LRIG1: variants seen among roughly 807,000 people sequenced by gnomAD.
LRIG1 encodes leucine rich repeats and immunoglobulin like domains 1.
In LRIG1, 48 loss-of-function variants were observed where a neutral mutation model predicts 99.2. That is an observed-to-expected ratio of 0.48 (90% confidence interval 0.38 to 0.62). The LOEUF (loss-of-function observed/expected upper bound fraction) is 0.62, where lower values mean the gene tolerates loss of function less well. Among genes scored for constraint, LRIG1 ranks in the 20% least tolerant of loss-of-function variants. The pLI is 0.00. For synonymous variants in LRIG1, 772 were observed against 596.1 expected (o/e 1.29, Z -4.30); for missense variants, 1,646 against 1,434.4 (o/e 1.15, Z -2.38).
At chr3:66,480,241 G>A (rs892442573) in intron 1 of LRIG1, among the ~76,000 whole-genome samples, 2 of 152,138 alleles carry the variant, frequency 1.3e-5, no homozygotes, top group East Asian at 3.8e-4. Context: ...CTATTTATAT[G>A]AATTGTCCAG....
At chr3:66,380,552 C>G (rs973834126) in intron 18 of LRIG1, 25 bp downstream of exon 18, 13 of 1,613,362 alleles carry the variant, frequency 8.1e-6, no homozygotes, top group Non-Finnish European at 1.1e-5. Flanking sequence ...CCCAACCCAC[C>G]TGTTAGAAGA....
chr3:66,406,224 CT>C, intron 8 of LRIG1: 5 of 985,504 alleles, frequency 5.1e-6, no homozygotes, highest in Non-Finnish European at 6.0e-6. Context: ...GGAGATTCTG[CT>C]GCTGGAAGGG....
chr3:66,483,243 C>A (rs1166000670), intron 1 of LRIG1, among the ~76,000 whole-genome samples: 1 of 152,196 alleles, frequency 6.6e-6, no homozygotes, highest in Non-Finnish European at 1.5e-5. Flanking sequence ...GCCTGGGAGA[C>A]TGCCCAGAGA....
At chr3:66,391,358 C>G (rs373466922) in intron 12 of LRIG1, among the ~76,000 whole-genome samples, 1 of 152,160 alleles carries the variant, frequency 6.6e-6, no homozygotes, top group Admixed American at 6.5e-5. Context: ...TGAATTTTCA[C>G]AGCAGCATTA....
At chr3:66,417,027 G>T (rs1702635068) in intron 4 of LRIG1, 102 bp downstream of exon 4, 2 of 1,471,602 alleles carry the variant, frequency 1.4e-6, no homozygotes, top group Non-Finnish European at 9.3e-7. Flanking sequence ...GGTTGAGAAG[G>T]GAAGGAAGCA....
intron 1 of LRIG1, among the ~76,000 whole-genome samples, chr3:66,474,206 T>C (rs977681186): frequency 1.3e-5 from 2 of 152,188 alleles, no homozygotes; most frequent in African/African-American, 2.4e-5. Flanking sequence ...TCCTTGAACA[T>C]ACTAAAATTT....
intron 3 of LRIG1, among the ~76,000 whole-genome samples, chr3:66,434,101 A>G (rs1427421981): frequency 1.3e-5 from 2 of 152,240 alleles, no homozygotes; most frequent in Non-Finnish European, 2.9e-5. Flanking sequence ...GCTTTATCAC[A>G]ATTAAAAATG....
rs1409058715 is a variant in LRIG1 at position 66,462,782 on chromosome 3, A to G, written c.219-273T>C. On this transcript the variant is annotated intron_variant, in intron 1 of 18. Transcript: ENST00000273261. ...TTTAACAACTTGGAAAGAAATTCTA[A>G]GGTAAACCAGCTCCCTACCTACATT... Among the ~76,000 whole-genome samples the G allele has an allele frequency of 3.3e-5, 5 of 152,230 alleles. No individual in the cohort carries two copies. The East Asian group carries it at 9.6e-4, about 29-fold the overall frequency.
At chr3:66,405,817 C>T in intron 8 of LRIG1, 1 of 1,157,206 alleles carries the variant, frequency 8.6e-7, no homozygotes, top group Non-Finnish European at 1.1e-6. Flanking sequence ...TGACTCTGAG[C>T]CAGGGAGGAC....
intron 1 of LRIG1, among the ~76,000 whole-genome samples, chr3:66,463,601 T>A (rs1355518810): frequency 6.6e-6 from 1 of 152,248 alleles, no homozygotes; most frequent in South Asian, 2.1e-4. Context: ...GGCCCTAACT[T>A]TCTTTGCCAG....
At chr3:66,471,076 G>A (rs951981150) in intron 1 of LRIG1, among the ~76,000 whole-genome samples, 1 of 152,122 alleles carries the variant, frequency 6.6e-6, no homozygotes, top group African/African-American at 2.4e-5. Context: ...AAAGGAATTT[G>A]GGCAGGGAAT....
chr3:66,421,540 G>A (rs1702811055), intron 3 of LRIG1, among the ~76,000 whole-genome samples: 1 of 152,194 alleles, frequency 6.6e-6, no homozygotes, highest in African/African-American at 2.4e-5. Flanking sequence ...CCATGGTCTT[G>A]GGAAAGCTCC....
intron 1 of LRIG1, among the ~76,000 whole-genome samples, chr3:66,476,732 T>C (rs925757918): frequency 2.0e-5 from 3 of 152,196 alleles, no homozygotes; most frequent in Non-Finnish European, 2.9e-5. Flanking sequence ...TGACATTAAA[T>C]GGATTTCTCA....
rs552626522 is a variant in LRIG1 at position 66,470,584 on chromosome 3, C to T, written c.219-8075G>A. Among the ~76,000 whole-genome samples, 13 of 152,272 alleles carry T rather than the reference C, an allele frequency of 8.5e-5. 1 individual carries two copies. The East Asian group carries it at 1.4e-3, about 16-fold the overall frequency. Reference sequence around the variant, plus strand: ...GCTGCCAGACCCACAACCCACCAGGCGGTTAAGTCAAGGGTTATATAAACC... The same window carrying T: ...GCTGCCAGACCCACAACCCACCAGGTGGTTAAGTCAAGGGTTATATAAACC... On this transcript the variant is annotated intron_variant, in intron 1 of 18. Transcript: ENST00000273261.
At chr3:66,404,169 G>T in intron 9 of LRIG1, 1 of 1,063,698 alleles carries the variant, frequency 9.4e-7, no homozygotes. Flanking sequence ...GTATATAAAA[G>T]GTGCAAAAAG....
intron 7 of LRIG1, 37 bp downstream of exon 7, chr3:66,410,092 A>C: frequency 6.3e-7 from 1 of 1,579,118 alleles, no homozygotes; most frequent in South Asian, 1.2e-5. Context: ...AGCAGTGTCT[A>C]AAAACACTGC....
chr3:66,485,772 A>T (rs527907730), intron 1 of LRIG1, among the ~76,000 whole-genome samples: 1 of 152,292 alleles, frequency 6.6e-6, no homozygotes, highest in African/African-American at 2.4e-5. Context: ...CCCCTTTACC[A>T]AACAGGCAAA....
intron 3 of LRIG1, among the ~76,000 whole-genome samples, chr3:66,438,156 G>C (rs1489727738): frequency 6.6e-6 from 1 of 152,198 alleles, no homozygotes; most frequent in African/African-American, 2.4e-5. Context: ...GTAGAGATGA[G>C]ATGCAGGGCC....
chr3:66,408,957 T>TGGGGGGGGGGGGGG (rs1288551507), intron 7 of LRIG1, among the ~76,000 whole-genome samples: 1 of 66,718 alleles, frequency 1.5e-5, no homozygotes, highest in African/African-American at 6.0e-5. Flanking sequence ...TGTGTGTGTG[T>TGGGGGGGGGGGGGG]GTGTGGTGGG....
Sources: allele counts gnomAD v4.1 joint callset (sites outside exome capture counted in the v4.1 genomes callset), GRCh38; gene constraint gnomAD v4.1.1; transcripts MANE v1.5; gene names NCBI Gene and HGNC (gene_info 2026-07-23, HGNC 2026-07-21).